The following KDM4A variants were observed in gnomAD, a reference collection of about 807,000 sequenced individuals.
KDM4A encodes lysine demethylase 4A, also known as lysine-specific demethylase 4A.
A neutral mutation model predicts 127.1 loss-of-function variants in KDM4A; 23 were observed. That is an observed-to-expected ratio of 0.18 (90% CI 0.13 to 0.26). The LOEUF is 0.26. Ranked by LOEUF, KDM4A falls within the 10% of genes least tolerant of loss-of-function variation. KDM4A has a pLI of 1.00. For missense variants in KDM4A, 890 were observed against 1,329.1 expected, an observed-to-expected ratio of 0.67 and a Z score of 5.14; for synonymous variants, 443 against 466.5, an observed-to-expected ratio of 0.95 and a Z score of 0.65.
intron 18 of KDM4A, among the ~76,000 whole-genome samples, chr1:43,695,168 A>C (rs536509319): frequency 5.9e-5 from 9 of 152,260 alleles, no homozygotes; most frequent in African/African-American, 2.2e-4. Flanking sequence ...TTGAGGGTCC[A>C]TATCTTATTA....
At chr1:43,666,593 C>A in intron 7 of KDM4A, 38 bp downstream of exon 7, 2 of 1,504,038 alleles carry the variant, frequency 1.3e-6, no homozygotes, top group East Asian at 2.3e-5. Context: ...TCAGGCACCA[C>A]CCTTTCTGGC....
At position 43,693,898 on chromosome 1, in the gene KDM4A, C is replaced by G; in HGVS notation, c.2376-96C>G. ...TGTGCTGGTGGAAGTCAGTGGTCAC[C>G]CAGGTGAGGGAGGAAGCGCTGTCAG... On this transcript the variant is annotated intron_variant, in intron 16 of 21. Transcript: ENST00000372396. This position sits in a 1 kb window ranked among gnomAD's most constrained non-coding sequence, Gnocchi z 4.2. The G allele has an allele frequency of 5.4e-6, 5 of 924,408 alleles. No homozygotes were observed. Among genetic ancestry groups the G allele is most frequent in the Non-Finnish European group, 8.6e-6 (5 of 582,828 alleles). The allele number at this position is 924,408 out of a possible 1,614,324, so 57.3% of individuals were successfully genotyped here.
intron 11 of KDM4A, among the ~76,000 whole-genome samples, chr1:43,682,078 C>T (rs1660871911): frequency 6.6e-6 from 1 of 152,176 alleles, no homozygotes; most frequent in Non-Finnish European, 1.5e-5. Context: ...AGGTAATCCT[C>T]CCATCTCAGC....
chr1:43,671,757 C>T lies in KDM4A; in HGVS notation c.1616C>T (p.Thr539Met), dbSNP rs192175863. The change falls in exon 11 of 22, where the codon ACG becomes ATG. Residue 539 changes from threonine (T) to methionine (M), a missense_variant. By Grantham distance (81) the Thr-to-Met change is moderately conservative (BLOSUM62 -1). This residue lies in a region of KDM4A where 389 missense variants were observed against 485.9 expected (regional missense o/e 0.80). Coordinates refer to ENST00000372396, the MANE Select transcript of KDM4A (RefSeq NM_014663.3). The stretch of plus-strand genomic sequence containing the variant: ...CTCTCCTGCCGAGCCCAAGGGCAAA[C>T]GGGAGTTCTCACTGTGCACAGTTAT... Reference protein sequence around the residue: ...EPLSCRAQGQTGVLTVHSYAK... With the variant: ...EPLSCRAQGQMGVLTVHSYAK... 215 of 1,613,968 alleles carry T rather than the reference C, an allele frequency of 1.3e-4. No individual in the cohort carries two copies. The highest frequency in any genetic ancestry group is 1.7e-4 in the Non-Finnish European group (198 of 1,179,904).
chr1:43,670,113 T>C (rs181211562), intron 10 of KDM4A, among the ~76,000 whole-genome samples: 1 of 152,316 alleles, frequency 6.6e-6, no homozygotes, highest in East Asian at 1.9e-4. Flanking sequence ...TTTGCTCACT[T>C]GGAAGCTTAA....
rs140909062 is a variant in KDM4A, at chr1:43,690,868, G to A, written c.2061G>A (p.Gln687=). The A allele has an allele frequency of 3.7e-6, 6 of 1,614,186 alleles. No individual in the cohort carries two copies. In the East Asian group the frequency reaches 1.3e-4, roughly 36 times the overall value. The change falls in exon 14 of 22, where the codon CAG becomes CAA. Residue 687 remains glutamine (Q), a synonymous_variant. Transcript: ENST00000372396. The stretch of plus-strand genomic sequence containing the variant: ...AGGTTGAATTTGGAGGCTTTAATCA[G>A]AACTGTGGAAATGCTTCAGATTTAG... ...YHQVEFGGFN[Q]NCGNASDLAP...
chr1:43,653,253 C>A lies in KDM4A; in HGVS notation c.78C>A (p.Asn26Lys), dbSNP rs959919828. The A allele has an allele frequency of 3.7e-6, 6 of 1,613,850 alleles. No homozygotes were observed. The highest frequency in any genetic ancestry group is 1.7e-5 in the Admixed American group (1 of 59,968). The change falls in exon 2 of 22, where the codon AAC (asparagine) becomes AAA (lysine). Residue 26 changes from asparagine (N) to lysine (K), a missense_variant. By Grantham distance (94) the Asn-to-Lys change is moderately conservative (BLOSUM62 0). This residue lies in a region of KDM4A where 35 missense variants were observed against 27.7 expected (regional missense o/e 1.26). Transcript: ENST00000372396. The stretch of plus-strand genomic sequence containing the variant: ...ATCCAACTATGGAAGAGTTCCGAAA[C>A]TTCAGTAGATACATTGCCTACATTG... ...TFYPTMEEFR[N>K]FSRYIAYIES...
rs1359066037 is a variant in KDM4A at position 43,694,604 on chromosome 1, A to G, written c.2485-105A>G. The stretch of plus-strand genomic sequence containing the variant: ...GCTGGTGTGTCCTTGTATTTTGGGA[A>G]GGGGCTGGCTCTTGCTTGCTTGGCT... On this transcript the variant is annotated intron_variant, in intron 17 of 21. Coordinates refer to ENST00000372396, the MANE Select transcript of KDM4A (RefSeq NM_014663.3). This position sits in a 1 kb window ranked among gnomAD's most constrained non-coding sequence, Gnocchi z 5.2. The G allele has an allele frequency of 4.3e-6, 4 of 919,732 alleles. No individual in the cohort carries two copies. Among genetic ancestry groups the G allele is most frequent in the African/African-American group, 3.3e-5 (2 of 60,692 alleles). The allele number at this position is 919,732 out of a possible 1,614,324, so 57.0% of individuals were successfully genotyped here. A position where few individuals can be genotyped will look rare whatever the true frequency, so the allele number is the denominator to read the frequency against.
intron 11 of KDM4A, among the ~76,000 whole-genome samples, chr1:43,678,092 G>A (rs1253122311): frequency 1.3e-5 from 2 of 152,088 alleles, no homozygotes; most frequent in East Asian, 1.9e-4. Flanking sequence ...TGGGATAGGT[G>A]GTGGTGTCAT....
chr1:43,690,485 T>G (rs1570865455), intron 13 of KDM4A: 2 of 345,954 alleles, frequency 5.8e-6, no homozygotes, highest in Non-Finnish European at 1.1e-5. Flanking sequence ...TGACCTCTGG[T>G]GATCCACCCG....
intron 20 of KDM4A, 31 bp from the exon 21 acceptor site, chr1:43,703,989 C>T: frequency 6.3e-7 from 1 of 1,589,796 alleles, no homozygotes; most frequent in South Asian, 1.1e-5. Context: ...TCAGGGATAT[C>T]CTAGCCAAAA....
At chr1:43,664,961 G>C (rs1441238458) in intron 5 of KDM4A, among the ~76,000 whole-genome samples, 3 of 152,078 alleles carry the variant, frequency 2.0e-5, no homozygotes, top group Non-Finnish European at 4.4e-5. Context: ...GCTGTTTGCA[G>C]TGGGAGGATT....
chr1:43,691,283 GGT>G (rs1661103314), intron 14 of KDM4A, among the ~76,000 whole-genome samples: 1 of 152,184 alleles, frequency 6.6e-6, no homozygotes, highest in South Asian at 2.1e-4. Context: ...CCACTTACTA[GGT>G]GTTTGTACCA....
intron 12 of KDM4A, among the ~76,000 whole-genome samples, chr1:43,685,465 TTC>T (rs1284436010): frequency 6.6e-6 from 1 of 151,956 alleles, no homozygotes; most frequent in African/African-American, 2.4e-5. Context: ...GTTTTTTTTT[TTC>T]AGTAGAAAGA....
At chr1:43,667,653 C>A in intron 8 of KDM4A, 119 bp from the exon 9 acceptor site, 3 of 1,348,840 alleles carry the variant, frequency 2.2e-6, no homozygotes, top group Non-Finnish European at 3.1e-6. Flanking sequence ...TGAACCAAAA[C>A]AATCTGGTTA....
intron 8 of KDM4A, 79 bp from the exon 9 acceptor site, chr1:43,667,693 A>G: frequency 3.2e-6 from 5 of 1,571,572 alleles, no homozygotes; most frequent in Non-Finnish European, 8.7e-7. Flanking sequence ...TTCCATGTGG[A>G]GGGAGGAGCT....
chr1:43,672,814 G>C (rs1027008229), intron 11 of KDM4A, among the ~76,000 whole-genome samples: 1 of 152,158 alleles, frequency 6.6e-6, no homozygotes, highest in Non-Finnish European at 1.5e-5. Context: ...GGGTAGGCAG[G>C]AACTCTTCCT....
chr1:43,666,156 A>G, intron 6 of KDM4A: 1 of 396,076 alleles, frequency 2.5e-6, no homozygotes, highest in Non-Finnish European at 4.5e-6. Flanking sequence ...CAGGGATACA[A>G]GTGACTGGAG....
intron 12 of KDM4A, among the ~76,000 whole-genome samples, chr1:43,686,839 T>C (rs1428541490): frequency 3.3e-5 from 5 of 152,252 alleles, no homozygotes; most frequent in African/African-American, 9.6e-5. Flanking sequence ...TTCAGTGATA[T>C]GCACACATTT....
Sources: gnomAD v4.1 joint callset for allele counts (sites outside exome capture counted in the v4.1 genomes callset) on GRCh38, gnomAD v4.1.1 for gene constraint, gnomAD v4.1.1 regional missense constraint, Gnocchi (gnomAD v3.1) non-coding constraint, MANE v1.5 for transcripts, NCBI Gene and HGNC (gene_info 2026-07-23, HGNC 2026-07-21) for gene names.